Variants in NLK observed in about 807,000 individuals in gnomAD.
NLK encodes nemo like kinase, also known as serine/threonine-protein kinase NLK.
A neutral mutation model predicts 59.0 loss-of-function variants in NLK; 11 were observed. That is an observed-to-expected ratio of 0.19 (90% CI 0.12 to 0.31). NLK has a LOEUF of 0.31. Among genes scored for constraint, NLK ranks in the 10% least tolerant of loss-of-function variants. The pLI, the probability that NLK is intolerant of heterozygous loss-of-function variation, is 1.00. For missense variants in NLK, 410 were observed against 661.1 expected (o/e 0.62, Z 4.16); for synonymous variants, 235 against 235.9 (o/e 1.00, Z 0.03).
downstream of NLK, among the ~76,000 whole-genome samples, chr17:28,198,387 A>C (rs1223437657): frequency 2.0e-5 from 3 of 152,062 alleles, no homozygotes; most frequent in Non-Finnish European, 4.4e-5. Context: ...GTAGTGGCGC[A>C]ATCTCGGCTC....
At chr17:28,199,679 A>AC (rs1909576106), downstream of NLK, among the ~76,000 whole-genome samples, 1 of 47,126 alleles carries the variant, frequency 2.1e-5, no homozygotes, top group Non-Finnish European at 3.7e-5. Context: ...AAAAAAAAAA[A>AC]AAAAACAAAA....
Position 28,194,637 on chromosome 17 carries a change from T to C in NLK, c.*1T>C, listed in dbSNP as rs1158502108. 1.3e-6 allele frequency: 2 copies of C among 1,590,424 alleles called. No individual in the cohort carries two copies. Among genetic ancestry groups the C allele is most frequent in the South Asian group, 1.1e-5 (1 of 89,200 alleles). On this transcript the variant is annotated 3_prime_UTR_variant, in exon 11 of 11. Transcript: ENST00000407008. ...CCCATCTCCTCTGGTGTGGGAGTGA[T>C]GGTGGAAGATAATGTACTACTGAAG... is the stretch of plus-strand genomic sequence containing the variant.
At chr17:28,060,005 TA>T (rs1386139076) in intron 1 of NLK, among the ~76,000 whole-genome samples, 1 of 152,228 alleles carries the variant, frequency 6.6e-6, no homozygotes, top group East Asian at 1.9e-4. Context: ...ATTCTAAGTT[TA>T]TATAACATAG....
chr17:28,199,114 G>A (rs117792739), downstream of NLK, among the ~76,000 whole-genome samples: 6,066 of 152,274 alleles, frequency 0.04, 180 homozygotes, highest in Non-Finnish European at 0.063. Flanking sequence ...GACGTTTTCC[G>A]CAATTAGAAT....
chr17:28,061,237 A>G (rs1909622374), intron 1 of NLK, among the ~76,000 whole-genome samples: 1 of 152,206 alleles, frequency 6.6e-6, no homozygotes, highest in Non-Finnish European at 1.5e-5. Context: ...GTGTTTTACC[A>G]TTCTGTAATT....
At chr17:28,058,102 T>A (rs1284570452) in intron 1 of NLK, among the ~76,000 whole-genome samples, 1 of 152,226 alleles carries the variant, frequency 6.6e-6, no homozygotes, top group Non-Finnish European at 1.5e-5. Flanking sequence ...TTTCACTACA[T>A]AGTTTCGTAA....
At chr17:28,149,532 A>C (rs1199288600) in intron 3 of NLK, among the ~76,000 whole-genome samples, 1 of 152,174 alleles carries the variant, frequency 6.6e-6, no homozygotes, top group Non-Finnish European at 1.5e-5. Flanking sequence ...AAATCTCTTT[A>C]GTTATTGGAA....
intron 1 of NLK, among the ~76,000 whole-genome samples, chr17:28,108,971 A>G (rs1905335484): frequency 6.6e-6 from 1 of 152,092 alleles, no homozygotes; most frequent in African/African-American, 2.4e-5. Context: ...GATCCAGACA[A>G]TCCTGGTTAA....
intron 2 of NLK, among the ~76,000 whole-genome samples, chr17:28,129,203 C>CCAG (rs1396319489): frequency 6.6e-6 from 1 of 152,060 alleles, no homozygotes; most frequent in Non-Finnish European, 1.5e-5. Flanking sequence ...GCCTGTAATC[C>CCAG]CAGCACCTTG....
intron 3 of NLK, among the ~76,000 whole-genome samples, chr17:28,138,897 T>G (rs191109900): frequency 1.3e-5 from 2 of 152,324 alleles, no homozygotes; most frequent in African/African-American, 4.8e-5. Flanking sequence ...GGTCCAGGTT[T>G]ATAATCTAGT....
At chr17:28,065,376 GA>G (rs1342382744) in intron 1 of NLK, among the ~76,000 whole-genome samples, 1 of 152,068 alleles carries the variant, frequency 6.6e-6, no homozygotes, top group African/African-American at 2.4e-5. Flanking sequence ...CAAAGTCAGT[GA>G]ATAAGAGATG....
At chr17:28,126,485 T>A (rs1026366352) in intron 2 of NLK, among the ~76,000 whole-genome samples, 1 of 152,216 alleles carries the variant, frequency 6.6e-6, no homozygotes, top group African/African-American at 2.4e-5. Context: ...AAGATTTGAT[T>A]GAAGAAGAAA....
intron 1 of NLK, among the ~76,000 whole-genome samples, chr17:28,109,932 A>G (rs1016125550): frequency 6.6e-6 from 1 of 152,226 alleles, no homozygotes; most frequent in Non-Finnish European, 1.5e-5. Flanking sequence ...GCCATTGTAC[A>G]GTTTTACCAG....
At chr17:28,167,588 G>A (rs180912219) in intron 5 of NLK, among the ~76,000 whole-genome samples, 8 of 151,626 alleles carry the variant, frequency 5.3e-5, no homozygotes, top group South Asian at 2.1e-4. Flanking sequence ...AGTAGCTCAC[G>A]CCTGTTATCC....
Position 28,133,630 on chromosome 17 carries a change from A to G in NLK, c.644+955A>G, listed in dbSNP as rs971266169. Among the ~76,000 whole-genome samples, 3 of 152,226 alleles carry G rather than the reference A, an allele frequency of 2.0e-5. No homozygotes were observed. In the South Asian group the frequency reaches 6.2e-4, roughly 31 times the overall value. ...TGACATTCCTGGGCAAAGTGTCACC[A>G]GTTTCCATTCCACATTTAACTTGGT... On this transcript the variant is annotated intron_variant, in intron 3 of 10. Transcript: ENST00000407008.
intron 1 of NLK, among the ~76,000 whole-genome samples, chr17:28,082,406 A>T (rs751719010): frequency 1.3e-5 from 2 of 152,230 alleles, no homozygotes; most frequent in African/African-American, 2.4e-5. Flanking sequence ...CATTTGAGTT[A>T]CCTGAATTAT....
chr17:28,157,150 G>C (rs1415458127), intron 3 of NLK, among the ~76,000 whole-genome samples: 1 of 151,350 alleles, frequency 6.6e-6, no homozygotes, highest in Non-Finnish European at 1.5e-5. Context: ...CTGAGTAGCT[G>C]GGACTACCAG....
At chr17:28,073,561 T>G (rs1400985183) in intron 1 of NLK, among the ~76,000 whole-genome samples, 1 of 152,248 alleles carries the variant, frequency 6.6e-6, no homozygotes, top group Non-Finnish European at 1.5e-5. Context: ...CCATCTAATT[T>G]ACTTTTATTC....
chr17:28,117,079 C>T (rs1335237552), intron 1 of NLK, among the ~76,000 whole-genome samples: 1 of 152,142 alleles, frequency 6.6e-6, no homozygotes, highest in Non-Finnish European at 1.5e-5. Context: ...GCAGACTGGG[C>T]TGTATCATCT....
Sources: allele counts gnomAD v4.1 joint callset (sites outside exome capture counted in the v4.1 genomes callset), GRCh38; gene constraint gnomAD v4.1.1; transcripts MANE v1.5; gene names NCBI Gene and HGNC (gene_info 2026-07-23, HGNC 2026-07-21).